Variants in SCAF1 observed in about 807,000 individuals in gnomAD.
The protein encoded by SCAF1 is splicing factor, arginine/serine-rich 19.
Under a neutral mutation model 91.2 loss-of-function variants are expected in SCAF1, and 28 were observed. The observed-to-expected ratio is 0.31, with a 90% CI of 0.23 to 0.42. The LOEUF is 0.42. SCAF1 is among the 10% of genes least tolerant of loss of function. The probability of loss-of-function intolerance (pLI) is 1.00; values close to 1 mark genes in which losing one functional copy is unlikely to be tolerated. For missense variants in SCAF1, 1,893 were observed against 1,872.1 expected, an observed-to-expected ratio of 1.01 and a Z score of -0.21; for synonymous variants, 1,036 against 833.7, an observed-to-expected ratio of 1.24 and a Z score of -4.18.
In SCAF1 at chr19:49,651,220, A is replaced by C. The variant is rs150726073; in HGVS notation, c.831A>C (p.Glu277Asp). The change falls in exon 7 of 11, where the codon GAA (glutamate) becomes GAC (aspartate). Residue 277 changes from glutamate to aspartate, a missense_variant. Glu to Asp is a conservative substitution (Grantham distance 45). Around this residue, in one of 5 missense-constraint regions of SCAF1, gnomAD observed 80 missense variants for 116.6 expected, o/e 0.69. Coordinates refer to ENST00000360565, the MANE Select transcript of SCAF1 (RefSeq NM_021228.3). ...AGGAAGAGGAGGAGGAAGAGGAAGA[A>C]GAAGAGGAAGAGGAAGACGAGGAGG... The part of the protein sequence containing the change: ...PEEEEEEEEE[E>D]EEEEEDEEEE... 1.9e-6 allele frequency: 3 copies of C among 1,612,886 alleles called. No individual in the cohort carries two copies. The highest frequency in any genetic ancestry group is 2.2e-5 in the South Asian group (2 of 91,014).
At chr19:49,649,447 C>T (rs1463951796) in intron 6 of SCAF1, among the ~76,000 whole-genome samples, 1 of 152,174 alleles carries the variant, frequency 6.6e-6, no homozygotes, top group East Asian at 1.9e-4. Context: ...GTTTCATCTT[C>T]CCCTAAGCCC....
intron 9 of SCAF1, 116 bp downstream of exon 9, chr19:49,654,986 G>A (rs972459389): frequency 5.0e-5 from 40 of 805,022 alleles, no homozygotes; most frequent in African/African-American, 8.7e-5. Context: ...AGACAGGGCC[G>A]TAGAGACCAA....
rs1461670808 is a variant in SCAF1, at chr19:49,657,789, G to A, written c.3647G>A (p.Arg1216Gln). ...CTGAAGAAGCTGCACACGCAGGAGC[G>A]GGCGGTGGAGGAGGTGAAGCTGGCC... is the stretch of plus-strand genomic sequence containing the variant. ...KYLKKLHTQERAVEEVKLAIK... is the reference protein window; with the variant it reads ...KYLKKLHTQEQAVEEVKLAIK... Residue 1216 changes from arginine (R) to glutamine (Q), a missense_variant, in exon 10 of 11, where the codon CGG becomes CAG. Arg to Gln is a conservative substitution (Grantham distance 43). Transcript: ENST00000360565. 1 of 1,605,510 alleles carries A rather than the reference G, an allele frequency of 6.2e-7. No homozygotes were observed. Among genetic ancestry groups the A allele is most frequent in the Admixed American group, 1.7e-5 (1 of 58,512 alleles).
chr19:49,652,335 C>T lies in SCAF1; in HGVS notation c.1946C>T (p.Ser649Phe). The T allele has an allele frequency of 2.0e-6, 3 of 1,536,872 alleles. No homozygotes were observed. Among genetic ancestry groups the T allele is most frequent in the Non-Finnish European group, 2.6e-6 (3 of 1,143,724 alleles). ...AAGAAGAAGAAGAAGCGGTCGCGGT[C>T]CCGGGGTGAGAAGCGGTCTGGGGAT... ...GSKKKKKRSRSRGEKRSGDGS... is the reference protein window; with the variant it reads ...GSKKKKKRSRFRGEKRSGDGS... Residue 649 changes from serine to phenylalanine, a missense_variant, in exon 7 of 11, where the codon TCC becomes TTC. Physicochemically the swap from Ser to Phe is radical, Grantham distance 155. This residue lies in a region of SCAF1 where 1,436 missense variants were observed against 1,306.8 expected (regional missense o/e 1.10). Coordinates refer to ENST00000360565, the MANE Select transcript of SCAF1 (RefSeq NM_021228.3).
In SCAF1 at chr19:49,645,354, C is replaced by T; in HGVS notation, c.109C>T (p.Arg37Ter). ...GCTTGGTTCTTCCCCCCTTCCCCAG[C>T]GAGCCATCCAGCAGGCTGTGGGAAG... ...PTLSPSAFIL[R>*]AIQQAVGSSL... Residue 37 changes from arginine to a stop codon, truncating the protein, a stop_gained and splice_region_variant, in exon 3 of 11, where the codon CGA (arginine) becomes TGA (stop). Coordinates refer to ENST00000360565, the MANE Select transcript of SCAF1 (RefSeq NM_021228.3). LOFTEE classifies it high-confidence loss of function. The surrounding 1 kb of genome is among the most constrained non-coding windows in gnomAD (Gnocchi z 4.6). 1 of 1,613,910 alleles carries T rather than the reference C, an allele frequency of 6.2e-7. No individual in the cohort carries two copies. Among genetic ancestry groups the T allele is most frequent in the Middle Eastern group, 1.6e-4 (1 of 6,062 alleles).
chr19:49,650,104 C>A (rs1037291483), intron 6 of SCAF1, among the ~76,000 whole-genome samples: 3 of 152,222 alleles, frequency 2.0e-5, no homozygotes, highest in African/African-American at 7.2e-5. Flanking sequence ...ATACGAAGCA[C>A]CATGCCTGGT....
chr19:49,655,569 G>T (rs546742033), intron 9 of SCAF1, among the ~76,000 whole-genome samples: 1 of 152,146 alleles, frequency 6.6e-6, no homozygotes, highest in Non-Finnish European at 1.5e-5. Flanking sequence ...ATTTCACCAC[G>T]TTGGCCAGGC....
Position 49,652,248 on chromosome 19 carries a change from C to T in SCAF1, c.1859C>T (p.Ser620Phe), listed in dbSNP as rs1183721698. The change falls in exon 7 of 11, where the codon TCC (serine) becomes TTC (phenylalanine). Residue 620 changes from serine to phenylalanine, a missense_variant. Ser to Phe is a radical substitution (Grantham distance 155). Transcript: ENST00000360565. ...TCCGCCTCCCCGCCCCCGGCCACTT[C>T]CTCATCGTCGTCCTCGAGGCGCGAG... ...RRSASPPPAT[S>F]SSSSSRRERH... 1.3e-5 allele frequency: 18 copies of T among 1,419,456 alleles called. No homozygotes were observed. The highest frequency in any genetic ancestry group is 1.7e-5 in the Non-Finnish European group (18 of 1,090,592). 87.9% of individuals were successfully genotyped at this position (1,419,456 alleles called of 1,614,324 possible). A position where few individuals can be genotyped will look rare whatever the true frequency, so the allele number is the denominator to read the frequency against.
chr19:49,651,979 G>A lies in SCAF1; in HGVS notation c.1590G>A (p.Lys530=). ...RRERKRSGEA[K]EAASSSSGTQ... is the part of the protein sequence containing the mutation. ...AACGCAAGCGCAGCGGCGAGGCCAAGGAGGCCGCCTCGTCCTCGTCGGGCA... is the reference window on the plus strand; with the variant it reads ...AACGCAAGCGCAGCGGCGAGGCCAAAGAGGCCGCCTCGTCCTCGTCGGGCA... Residue 530 remains lysine (K), a synonymous_variant, in exon 7 of 11, where the codon AAG becomes AAA. Coordinates refer to ENST00000360565, the MANE Select transcript of SCAF1 (RefSeq NM_021228.3). 8.3e-7 allele frequency: 1 copy of A among 1,200,064 alleles called. No individual in the cohort carries two copies. The highest frequency in any genetic ancestry group is 1.0e-6 in the Non-Finnish European group (1 of 956,606). The allele number at this position is 1,200,064 out of a possible 1,614,324, so 74.3% of individuals were successfully genotyped here.
At position 49,651,202 on chromosome 19, in the gene SCAF1, G is replaced by C. The variant is rs142052897; in HGVS notation, c.813G>C (p.Glu271Asp). 6.5e-3 allele frequency: 10,441 copies of C among 1,612,908 alleles called. 42 individuals carry two copies. The highest frequency in any genetic ancestry group is 8.1e-3 in the Non-Finnish European group (9,499 of 1,179,538). Residue 271 changes from glutamate (E) to aspartate (D), a missense_variant, in exon 7 of 11, where the codon GAG becomes GAC. Around this residue, in one of 5 missense-constraint regions of SCAF1, gnomAD observed 80 missense variants for 116.6 expected, o/e 0.69. Transcript: ENST00000360565. Reference protein sequence around the residue: ...SAGTPSPEEEEEEEEEEEEEE... With the variant: ...SAGTPSPEEEDEEEEEEEEEE... ...GGACCCCCTCACCTGAGGAGGAAGAGGAGGAGGAAGAGGAAGAAGAAGAGG... is the reference window on the plus strand; with the variant it reads ...GGACCCCCTCACCTGAGGAGGAAGACGAGGAGGAAGAGGAAGAAGAAGAGG...
chr19:49,641,603 C>T (rs1211226556), upstream of SCAF1, among the ~76,000 whole-genome samples: 3 of 152,206 alleles, frequency 2.0e-5, no homozygotes, highest in African/African-American at 7.2e-5. Flanking sequence ...AGACGTGAGC[C>T]ACCGCGCCTG....
chr19:49,652,866 G>C lies in SCAF1; in HGVS notation c.2477G>C (p.Cys826Ser), dbSNP rs1872527148. 1.2e-6 allele frequency: 2 copies of C among 1,614,022 alleles called. No individual in the cohort carries two copies. Among genetic ancestry groups the C allele is most frequent in the East Asian group, 2.2e-5 (1 of 44,880 alleles). The change falls in exon 7 of 11, where the codon TGT (cysteine) becomes TCT (serine). Residue 826 changes from cysteine to serine, a missense_variant. This residue lies in a region of SCAF1 where 1,436 missense variants were observed against 1,306.8 expected (regional missense o/e 1.10). Coordinates refer to ENST00000360565, the MANE Select transcript of SCAF1 (RefSeq NM_021228.3). ...GSGSSSSSSS[C>S]SSRKVKLQSK... The stretch of plus-strand genomic sequence containing the variant: ...GGCTCTTCATCCTCGTCGTCCTCCT[G>C]TTCTTCCCGGAAGGTGAAGCTGCAG...
In SCAF1 at chr19:49,650,926, G is replaced by T; in HGVS notation, c.537G>T (p.Thr179=). The change falls in exon 7 of 11, where the codon ACG becomes ACT. Residue 179 remains threonine (T), a synonymous_variant. Transcript: ENST00000360565. ...PTCARHLTLG[T]GDGGPAPPPA... ...GTGCCCGTCACCTCACCTTGGGCAC[G>T]GGAGACGGGGGCCCTGCCCCACCCC... The T allele has an allele frequency of 1.2e-6, 2 of 1,605,960 alleles. No homozygotes were observed. Among genetic ancestry groups the T allele is most frequent in the East Asian group, 2.2e-5 (1 of 44,750 alleles).
Position 49,658,536 on chromosome 19 carries a change from T to C in SCAF1, c.*137T>C, listed in dbSNP as rs1448399223. ...CAGGGAAGAGGAGAGCCCCCTGCCC[T>C]GCCCTGCCCCGTGTCCACCTCCCTT... is the stretch of plus-strand genomic sequence containing the variant. On this transcript the variant is annotated 3_prime_UTR_variant, in exon 11 of 11. Transcript: ENST00000360565. 5 of 624,804 alleles carry C rather than the reference T, an allele frequency of 8.0e-6. No individual in the cohort carries two copies. Among genetic ancestry groups the C allele is most frequent in the Non-Finnish European group, 1.4e-5 (5 of 355,592 alleles). The allele number at this position is 624,804 out of a possible 1,614,324, so 38.7% of individuals were successfully genotyped here. A position where few individuals can be genotyped will look rare whatever the true frequency, so the allele number is the denominator to read the frequency against.
chr19:49,646,913 G>A lies in SCAF1; in HGVS notation c.478+83G>A. 9.9e-7 allele frequency: 1 copy of A among 1,011,792 alleles called. No individual in the cohort carries two copies. The highest frequency in any genetic ancestry group is 2.6e-5 in the East Asian group (1 of 38,458). 62.7% of individuals were successfully genotyped at this position (1,011,792 alleles called of 1,614,324 possible). A position where few individuals can be genotyped will look rare whatever the true frequency, so the allele number is the denominator to read the frequency against. ...TGTTTTTGGTAGTGATGGTAGCGGT[G>A]ATCATGTTATTTAGACAAAACCTTT... On this transcript the variant is annotated intron_variant, in intron 6 of 10. Transcript: ENST00000360565. This position sits in a 1 kb window ranked among gnomAD's most constrained non-coding sequence, Gnocchi z 5.6.
rs559356468 is a variant in SCAF1 at position 49,645,798 on chromosome 19, G to A, written c.167-310G>A. Among the ~76,000 whole-genome samples, 7 of 152,278 alleles carry A rather than the reference G, an allele frequency of 4.6e-5. No homozygotes were observed. The South Asian group carries it at 1.4e-3, about 32-fold the overall frequency. ...GCGAGGGGCTGCGCTGGGCTTCCTT[G>A]GGGCTGGCATGCAGGAGGGTGTGAG... On this transcript the variant is annotated intron_variant, in intron 3 of 10. Transcript: ENST00000360565. This position sits in a 1 kb window ranked among gnomAD's most constrained non-coding sequence, Gnocchi z 4.6.
Position 49,653,195 on chromosome 19 carries a change from A to G in SCAF1, c.2806A>G (p.Ser936Gly). 1.3e-6 allele frequency: 2 copies of G among 1,555,916 alleles called. No individual in the cohort carries two copies. Among genetic ancestry groups the G allele is most frequent in the Non-Finnish European group, 1.7e-6 (2 of 1,151,718 alleles). ...KVRSGGGSGG[S>G]GGQVSLKKSK... ...CCGCAGTGGAGGTGGCAGCGGGGGCAGTGGTGGCCAGGTGTCGCTGAAGAA... is the reference window on the plus strand; with the variant it reads ...CCGCAGTGGAGGTGGCAGCGGGGGCGGTGGTGGCCAGGTGTCGCTGAAGAA... Residue 936 changes from serine (S) to glycine (G), a missense_variant, in exon 7 of 11, where the codon AGT becomes GGT. By Grantham distance (56) the Ser-to-Gly change is moderately conservative (BLOSUM62 0). Transcript: ENST00000360565.
chr19:49,652,650 C>G lies in SCAF1; in HGVS notation c.2261C>G (p.Ser754Trp). The G allele has an allele frequency of 6.4e-7, 1 of 1,559,760 alleles. No homozygotes were observed. Among genetic ancestry groups the G allele is most frequent in the South Asian group, 1.2e-5 (1 of 85,300 alleles). ...GKSSQKDRRR[S>W]GAASSSSSSR... The stretch of plus-strand genomic sequence containing the variant: ...AGCAGCCAGAAGGATCGGCGCCGCT[C>G]GGGGGCCGCCTCCTCCTCCTCCTCT... The change falls in exon 7 of 11, where the codon TCG becomes TGG. Residue 754 changes from serine to tryptophan, a missense_variant. Ser to Trp is a radical substitution (Grantham distance 177). Coordinates refer to ENST00000360565, the MANE Select transcript of SCAF1 (RefSeq NM_021228.3).
Position 49,652,102 on chromosome 19 carries a change from C to T in SCAF1, c.1713C>T (p.Arg571=). The T allele has an allele frequency of 1.8e-6, 2 of 1,120,024 alleles. No homozygotes were observed. The highest frequency in any genetic ancestry group is 2.2e-6 in the Non-Finnish European group (2 of 923,202). 69.4% of individuals were successfully genotyped at this position (1,120,024 alleles called of 1,614,324 possible). Residue 571 remains arginine, a synonymous_variant, in exon 7 of 11, where the codon CGC becomes CGT. Transcript: ENST00000360565. ...GCTCCCACGCCTCGTCGTCCGCCCG[C>T]CGCCGCTCCCGCTCCCGCTCCCGCT... ...KPGSHASSSA[R]RRSRSRSRSR... is the part of the protein sequence containing the mutation.
Sources: gnomAD v4.1 joint callset for allele counts (sites outside exome capture counted in the v4.1 genomes callset) on GRCh38, gnomAD v4.1.1 for gene constraint, gnomAD v4.1.1 regional missense constraint, Gnocchi (gnomAD v3.1) non-coding constraint, MANE v1.5 for transcripts, NCBI Gene and HGNC (gene_info 2026-07-23, HGNC 2026-07-21) for gene names.